CABP1: variants seen among roughly 807,000 people sequenced by gnomAD.
The protein encoded by CABP1 is calcium-binding protein 1.
A neutral mutation model predicts 34.3 loss-of-function variants in CABP1; 17 were observed. The observed-to-expected ratio is 0.50, with a 90% CI of 0.34 to 0.74. The LOEUF (loss-of-function observed/expected upper bound fraction) is 0.74, where lower values mean the gene tolerates loss of function less well. Ranked by LOEUF, CABP1 falls within the 30% of genes least tolerant of loss-of-function variation. The pLI, the probability that CABP1 is intolerant of heterozygous loss-of-function variation, is 0.01. For synonymous variants in CABP1, 198 were observed against 229.2 expected, an observed-to-expected ratio of 0.86 and a Z score of 1.23; for missense variants, 373 against 511.1, an observed-to-expected ratio of 0.73 and a Z score of 2.61.
intron 1 of CABP1, among the ~76,000 whole-genome samples, chr12:120,658,414 G>A (rs1255686725): frequency 6.6e-6 from 1 of 151,998 alleles, no homozygotes; most frequent in Admixed American, 6.6e-5. Context: ...GAGCTTTTTA[G>A]GTGAACGTCC....
Position 120,640,975 on chromosome 12 carries a change from C to T in CABP1, c.290C>T (p.Pro97Leu). The change falls in exon 1 of 6, where the codon CCT becomes CTT. Residue 97 changes from proline to leucine, a missense_variant. By Grantham distance (98) the Pro-to-Leu change is moderately conservative. Coordinates refer to ENST00000316803, the MANE Select transcript of CABP1 (RefSeq NM_001033677.2). This position sits in a 1 kb window ranked among gnomAD's most constrained non-coding sequence, Gnocchi z 6.2. ...GGCCCTGCCCGGGACCCGGGGCTGC[C>T]TAGCCGCCGGCTACCCGGCTCCTGC... ...RHGPARDPGL[P>L]SRRLPGSCPA... 2 of 1,150,154 alleles carry T rather than the reference C, an allele frequency of 1.7e-6. No homozygotes were observed. The highest frequency in any genetic ancestry group is 1.6e-5 in the African/African-American group (1 of 61,238). The allele number at this position is 1,150,154 out of a possible 1,614,324, so 71.2% of individuals were successfully genotyped here.
At chr12:120,651,039 C>G (rs775340213) in intron 1 of CABP1, among the ~76,000 whole-genome samples, 1 of 152,124 alleles carries the variant, frequency 6.6e-6, no homozygotes, top group Non-Finnish European at 1.5e-5. Context: ...CCCTTAAAAC[C>G]GGCAGAATCT....
In CABP1 at chr12:120,660,406, A is replaced by AGGACTGGC. The variant is rs1262178659; in HGVS notation, c.829+68_829+75dup. On this transcript the variant is annotated intron_variant, in intron 3 of 5. Coordinates refer to ENST00000316803, the MANE Select transcript of CABP1 (RefSeq NM_001033677.2). This position sits in a 1 kb window ranked among gnomAD's most constrained non-coding sequence, Gnocchi z 5.0. ...CCCTTGCCGTCCTCTGCAGTCAGAC[A>AGGACTGGC]GGACTGGCTTCAAATTCTGCATCCA... 6.6e-7 allele frequency: 1 copy of AGGACTGGC among 1,523,988 alleles called. No homozygotes were observed. Among genetic ancestry groups the AGGACTGGC allele is most frequent in the African/African-American group, 1.4e-5 (1 of 72,874 alleles). The allele number at this position is 1,523,988 out of a possible 1,614,324, so 94.4% of individuals were successfully genotyped here.
Position 120,660,409 on chromosome 12 carries a change from A to T in CABP1, c.829+70A>T. 2 of 1,513,230 alleles carry T rather than the reference A, an allele frequency of 1.3e-6. No homozygotes were observed. Among genetic ancestry groups the T allele is most frequent in the South Asian group, 1.2e-5 (1 of 82,230 alleles). The allele number at this position is 1,513,230 out of a possible 1,614,324, so 93.7% of individuals were successfully genotyped here. On this transcript the variant is annotated intron_variant, in intron 3 of 5. Transcript: ENST00000316803. This position sits in a 1 kb window ranked among gnomAD's most constrained non-coding sequence, Gnocchi z 5.0. ...TTGCCGTCCTCTGCAGTCAGACAGG[A>T]CTGGCTTCAAATTCTGCATCCACCT...
chr12:120,659,923 C>T lies in CABP1; in HGVS notation c.685+15C>T. 6.2e-7 allele frequency: 1 copy of T among 1,613,452 alleles called. No individual in the cohort carries two copies. Among genetic ancestry groups the T allele is most frequent in the Non-Finnish European group, 8.5e-7 (1 of 1,179,580 alleles). On this transcript the variant is annotated intron_variant, in intron 2 of 5. Coordinates refer to ENST00000316803, the MANE Select transcript of CABP1 (RefSeq NM_001033677.2). Reference sequence around the variant, plus strand: ...GGAAATTGAAGGTAAAACTTGGCCCCTTGGGGGAAAGGACTGCCTAGCCCT... The same window carrying T: ...GGAAATTGAAGGTAAAACTTGGCCCTTTGGGGGAAAGGACTGCCTAGCCCT...
At chr12:120,657,309 G>C (rs1880292986) in intron 1 of CABP1, among the ~76,000 whole-genome samples, 1 of 152,206 alleles carries the variant, frequency 6.6e-6, no homozygotes. Flanking sequence ...AACATTTGTA[G>C]GTTGCATTTA....
chr12:120,647,802 G>A (rs1388034947), intron 1 of CABP1, among the ~76,000 whole-genome samples: 1 of 146,152 alleles, frequency 6.8e-6, no homozygotes, highest in African/African-American at 2.6e-5. Context: ...GGCTGGCCTC[G>A]AACTCCTGAC....
intron 1 of CABP1, among the ~76,000 whole-genome samples, chr12:120,644,986 G>A (rs946740563): frequency 3.3e-5 from 5 of 152,166 alleles, no homozygotes; most frequent in African/African-American, 9.7e-5. Flanking sequence ...TGTATTGTTA[G>A]TAGAGATGGA....
the CABP1 span, among the ~76,000 whole-genome samples, chr12:120,679,136 T>C: frequency 6.6e-6 from 1 of 152,032 alleles, no homozygotes; most frequent in African/African-American, 2.4e-5. Flanking sequence ...TTTTCTTATT[T>C]TTAACAGTCC....
intron 5 of CABP1, among the ~76,000 whole-genome samples, chr12:120,664,599 C>T (rs776102899): frequency 1.2e-4 from 19 of 152,156 alleles, no homozygotes; most frequent in Non-Finnish European, 2.1e-4. Context: ...CTAGGCCAGG[C>T]GCTGTGGCTC....
chr12:120,661,126 G>T lies in CABP1; in HGVS notation c.995G>T (p.Arg332Met). ...ACCAGTGAGCTGCGAGAGGCTATGA[G>T]GAAGCTCCTGGGTCATCAGGTGGGA... is the stretch of plus-strand genomic sequence containing the variant. Reference protein sequence around the residue: ...ISTSELREAMRKLLGHQVGHR... With the variant: ...ISTSELREAMMKLLGHQVGHR... The change falls in exon 5 of 6, where the codon AGG becomes ATG. Residue 332 changes from arginine to methionine, a missense_variant. Physicochemically the swap from Arg to Met is moderately conservative, Grantham distance 91 (BLOSUM62 -1). Transcript: ENST00000316803. This position sits in a 1 kb window ranked among gnomAD's most constrained non-coding sequence, Gnocchi z 5.1. 1 of 1,613,914 alleles carries T rather than the reference G, an allele frequency of 6.2e-7. No individual in the cohort carries two copies. Among genetic ancestry groups the T allele is most frequent in the Non-Finnish European group, 8.5e-7 (1 of 1,179,996 alleles).
intron 1 of CABP1, among the ~76,000 whole-genome samples, chr12:120,643,633 T>C (rs1439514766): frequency 3.3e-5 from 5 of 152,252 alleles, no homozygotes; most frequent in African/African-American, 1.2e-4. Context: ...GGTCTCACTA[T>C]GTTGCCCGGG....
At position 120,641,351 on chromosome 12, in the gene CABP1, G is replaced by A. The variant is rs1474088885; in HGVS notation, c.654+12G>A. ...CCGCCTTTGGCCAGGTAAGGGCCGCGCCTCCCGTCAGCGCTCCCGGGAAAG... is the reference window on the plus strand; with the variant it reads ...CCGCCTTTGGCCAGGTAAGGGCCGCACCTCCCGTCAGCGCTCCCGGGAAAG... On this transcript the variant is annotated intron_variant, in intron 1 of 5. Transcript: ENST00000316803. The surrounding 1 kb of genome is among the most constrained non-coding windows in gnomAD (Gnocchi z 6.7). The A allele has an allele frequency of 3.2e-6, 4 of 1,269,418 alleles. No homozygotes were observed. The highest frequency in any genetic ancestry group is 1.5e-5 in the African/African-American group (1 of 64,780). 78.6% of individuals were successfully genotyped at this position (1,269,418 alleles called of 1,614,324 possible).
At chr12:120,669,654 T>G (rs1318137434), downstream of CABP1, among the ~76,000 whole-genome samples, 1 of 151,966 alleles carries the variant, frequency 6.6e-6, no homozygotes, top group Non-Finnish European at 1.5e-5. Flanking sequence ...TTAGGGAGTC[T>G]GAGGCAAGAG....
intron 1 of CABP1, among the ~76,000 whole-genome samples, chr12:120,652,854 G>A (rs974411469): frequency 1.3e-5 from 2 of 152,112 alleles, no homozygotes; most frequent in Non-Finnish European, 2.9e-5. Flanking sequence ...CTTAGGAGAC[G>A]TTGCCTTGGT....
chr12:120,653,813 A>C (rs1354697967), intron 1 of CABP1, among the ~76,000 whole-genome samples: 2 of 152,196 alleles, frequency 1.3e-5, no homozygotes, highest in African/African-American at 4.8e-5. Flanking sequence ...GATGACAGGC[A>C]TGAGCCACCA....
chr12:120,658,683 G>A (rs1271963087), intron 1 of CABP1, among the ~76,000 whole-genome samples: 3 of 152,206 alleles, frequency 2.0e-5, no homozygotes, highest in African/African-American at 7.2e-5. Flanking sequence ...TGGAGTGGCT[G>A]TCTCTACTCA....
downstream of CABP1, among the ~76,000 whole-genome samples, chr12:120,669,000 G>A (rs1566005133): frequency 1.3e-5 from 2 of 152,160 alleles, no homozygotes; most frequent in Non-Finnish European, 2.9e-5. Context: ...GGATGCTGAT[G>A]CTGCCAGTCC....
At position 120,660,455 on chromosome 12, in the gene CABP1, GGGC is replaced by G; in HGVS notation, c.829+117_829+119del. 1 of 1,182,460 alleles carries G rather than the reference GGGC, an allele frequency of 8.5e-7. No individual in the cohort carries two copies. The highest frequency in any genetic ancestry group is 1.2e-6 in the Non-Finnish European group (1 of 847,074). 73.2% of individuals were successfully genotyped at this position (1,182,460 alleles called of 1,614,324 possible). ...CACCTCTTACCAGCTCTGTGATCTG[GGGC>G]CAACCACTTACCCTCTCTGAGCCTC... On this transcript the variant is annotated intron_variant, in intron 3 of 5. Coordinates refer to ENST00000316803, the MANE Select transcript of CABP1 (RefSeq NM_001033677.2). This position sits in a 1 kb window ranked among gnomAD's most constrained non-coding sequence, Gnocchi z 5.0.
Sources: allele counts gnomAD v4.1 joint callset (sites outside exome capture counted in the v4.1 genomes callset), GRCh38; gene constraint gnomAD v4.1.1; non-coding constraint Gnocchi (gnomAD v3.1); transcripts MANE v1.5; gene names NCBI Gene and HGNC (gene_info 2026-07-23, HGNC 2026-07-21).